Variants in ST8SIA5 observed in about 807,000 individuals in gnomAD.
ST8SIA5 encodes alpha-2,8-sialyltransferase 8E.
ST8SIA5 carries 24 observed loss-of-function variants against 40.2 expected under a neutral mutation model. The observed-to-expected ratio is 0.60, with a 90% confidence interval of 0.43 to 0.84. The LOEUF is 0.84. Ranked by LOEUF, ST8SIA5 falls within the 40% of genes least tolerant of loss-of-function variation. ST8SIA5 has a pLI of 0.00. For synonymous variants in ST8SIA5, 198 were observed against 201.8 expected, an observed-to-expected ratio of 0.98 and a Z score of 0.16; for missense variants, 465 against 498.5, an observed-to-expected ratio of 0.93 and a Z score of 0.64.
intron 1 of ST8SIA5, among the ~76,000 whole-genome samples, chr18:46,748,777 C>T (rs1363329199): frequency 6.6e-6 from 1 of 151,590 alleles, no homozygotes; most frequent in Non-Finnish European, 1.5e-5. Flanking sequence ...CAAATTGGAA[C>T]CCTCATACAA....
chr18:46,679,064 G>T lies in ST8SIA5; in HGVS notation c.*978C>A, dbSNP rs1384937653. ...ACATGTCAGTGCTTTCCAGCCCAGAGCCTATGGTTCCGACTGAGGAACACG... is the reference window on the plus strand; with the variant it reads ...ACATGTCAGTGCTTTCCAGCCCAGATCCTATGGTTCCGACTGAGGAACACG... On this transcript the variant is annotated 3_prime_UTR_variant, in exon 7 of 7. Coordinates refer to ENST00000315087, the MANE Select transcript of ST8SIA5 (RefSeq NM_013305.6). The T allele has an allele frequency of 6.6e-6, 1 of 152,232 alleles. No homozygotes were observed. The highest frequency in any genetic ancestry group is 1.5e-5 in the Non-Finnish European group (1 of 68,068). The allele number at this position is 152,232 out of a possible 1,614,324, so 9.4% of individuals were successfully genotyped here.
At chr18:46,684,775 A>C (rs146387892) in intron 5 of ST8SIA5, among the ~76,000 whole-genome samples, 6 of 152,336 alleles carry the variant, frequency 3.9e-5, no homozygotes, top group Non-Finnish European at 8.8e-5. Context: ...CAAGAGCGAG[A>C]CCACTCAGCG....
chr18:46,740,099 G>A (rs1262469639), intron 1 of ST8SIA5, among the ~76,000 whole-genome samples: 3 of 152,036 alleles, frequency 2.0e-5, no homozygotes, highest in Non-Finnish European at 4.4e-5. Flanking sequence ...TACTTTCCAG[G>A]GAATCCAATC....
At chr18:46,721,818 G>T (rs775708793) in intron 1 of ST8SIA5, among the ~76,000 whole-genome samples, 24 of 152,130 alleles carry the variant, frequency 1.6e-4, no homozygotes, top group Non-Finnish European at 2.9e-4. Context: ...TAAACCAAAA[G>T]AGCGCCAGCA....
chr18:46,749,707 A>G (rs1006755966), intron 1 of ST8SIA5, among the ~76,000 whole-genome samples: 20 of 152,254 alleles, frequency 1.3e-4, no homozygotes, highest in African/African-American at 4.8e-4. Flanking sequence ...CATTTTACAT[A>G]GTTTTTAAAT....
chr18:46,706,344 T>C (rs2039669869), intron 1 of ST8SIA5, among the ~76,000 whole-genome samples: 1 of 152,180 alleles, frequency 6.6e-6, no homozygotes, highest in Non-Finnish European at 1.5e-5. Context: ...TTCTTTCTCA[T>C]CTGGCAAACT....
intron 1 of ST8SIA5, among the ~76,000 whole-genome samples, chr18:46,736,064 T>C (rs2040030976): frequency 2.0e-5 from 3 of 152,218 alleles, no homozygotes; most frequent in Admixed American, 6.5e-5. Flanking sequence ...GTAAAATTCA[T>C]TTCAATAATA....
At chr18:46,718,806 T>C (rs746639580) in intron 1 of ST8SIA5, among the ~76,000 whole-genome samples, 7 of 152,154 alleles carry the variant, frequency 4.6e-5, no homozygotes, top group Admixed American at 2.0e-4. Context: ...TTATTCAATA[T>C]GTGAATAATA....
At chr18:46,738,306 A>C (rs1403027951) in intron 1 of ST8SIA5, among the ~76,000 whole-genome samples, 2 of 151,652 alleles carry the variant, frequency 1.3e-5, no homozygotes, top group Admixed American at 1.3e-4. Flanking sequence ...TCCGGGAGTA[A>C]GAGGGTATCA....
chr18:46,717,782 T>C (rs960591709), intron 1 of ST8SIA5, among the ~76,000 whole-genome samples: 12 of 152,300 alleles, frequency 7.9e-5, no homozygotes, highest in African/African-American at 2.6e-4. Flanking sequence ...TCAGGAACAC[T>C]GAAATCTAAG....
rs915932827 is a variant in ST8SIA5, at chr18:46,688,675, C to T, written c.456+100G>A. 1.2e-5 allele frequency: 18 copies of T among 1,450,874 alleles called. No individual in the cohort carries two copies. In the African/African-American group the frequency reaches 1.4e-4, roughly 11 times the overall value. 89.9% of individuals were successfully genotyped at this position (1,450,874 alleles called of 1,614,324 possible). A position where few individuals can be genotyped will look rare whatever the true frequency, so the allele number is the denominator to read the frequency against. ...ACCAAGACAACTGAGTCCAGAGGAC[C>T]GTGAGTGAGTCAGGCAAAACCCCAG... On this transcript the variant is annotated intron_variant, in intron 4 of 6. Coordinates refer to ENST00000315087, the MANE Select transcript of ST8SIA5 (RefSeq NM_013305.6).
intron 4 of ST8SIA5, among the ~76,000 whole-genome samples, chr18:46,688,276 C>A (rs2039467835): frequency 1.3e-5 from 2 of 152,218 alleles, no homozygotes; most frequent in African/African-American, 4.8e-5. Context: ...TCAGCCAAAT[C>A]TATTCATAGT....
At chr18:46,725,214 T>C (rs551040840) in intron 1 of ST8SIA5, among the ~76,000 whole-genome samples, 2 of 152,248 alleles carry the variant, frequency 1.3e-5, no homozygotes, top group East Asian at 3.9e-4. Context: ...TAAAAGTCTT[T>C]ACCAAACAGC....
At chr18:46,720,047 CG>C (rs1465765232) in intron 1 of ST8SIA5, among the ~76,000 whole-genome samples, 3 of 152,010 alleles carry the variant, frequency 2.0e-5, no homozygotes. Context: ...CCATGTTGGC[CG>C]GGCTGGTCTC....
intron 1 of ST8SIA5, among the ~76,000 whole-genome samples, chr18:46,736,783 C>T (rs1176703977): frequency 6.6e-6 from 1 of 152,036 alleles, no homozygotes; most frequent in Admixed American, 6.6e-5. Context: ...AGCGTGGATG[C>T]ATTTTATTCT....
chr18:46,744,866 T>C (rs2040123701), intron 1 of ST8SIA5, among the ~76,000 whole-genome samples: 1 of 152,174 alleles, frequency 6.6e-6, no homozygotes, highest in Admixed American at 6.6e-5. Flanking sequence ...ACAAACTGTC[T>C]CTCAGACCAC....
chr18:46,726,661 G>A (rs1165129301), intron 1 of ST8SIA5, among the ~76,000 whole-genome samples: 2 of 152,110 alleles, frequency 1.3e-5, no homozygotes, highest in African/African-American at 2.4e-5. Context: ...GCTCGTGCCT[G>A]TAATCCCATC....
chr18:46,681,949 G>T, intron 6 of ST8SIA5, 23 bp downstream of exon 6: 13 of 1,611,728 alleles, frequency 8.1e-6, no homozygotes, highest in Non-Finnish European at 1.1e-5. Flanking sequence ...GGACAGTGCA[G>T]CTCTAGAAAG....
chr18:46,741,553 G>A (rs1715737451), intron 1 of ST8SIA5, among the ~76,000 whole-genome samples: 1 of 152,072 alleles, frequency 6.6e-6, no homozygotes, highest in Non-Finnish European at 1.5e-5. Flanking sequence ...TTAAAACCAG[G>A]CAAAGATAGC....
Sources: gnomAD v4.1 joint callset for allele counts (sites outside exome capture counted in the v4.1 genomes callset) on GRCh38, gnomAD v4.1.1 for gene constraint, MANE v1.5 for transcripts, NCBI Gene and HGNC (gene_info 2026-07-23, HGNC 2026-07-21) for gene names.